Variants in LAMA2 observed in about 807,000 individuals in gnomAD.
The protein encoded by LAMA2 is laminin subunit alpha-2.
A neutral mutation model predicts 364.8 loss-of-function variants in LAMA2; 269 were observed. That is an observed-to-expected ratio of 0.74 (90% CI 0.67 to 0.82). The LOEUF (loss-of-function observed/expected upper bound fraction) is 0.82, where lower values mean the gene tolerates loss of function less well. LAMA2 is among the 40% of genes least tolerant of loss of function. The probability of loss-of-function intolerance (pLI) is 0.00; values close to 1 mark genes in which losing one functional copy is unlikely to be tolerated. For synonymous variants in LAMA2, 1,379 were observed against 1,370.6 expected (o/e 1.01, Z -0.14); for missense variants, 3,807 against 3,873.2 (o/e 0.98, Z 0.45).
At chr6:129,340,365 G>A (rs1483202633) in intron 29 of LAMA2, among the ~76,000 whole-genome samples, 1 of 152,056 alleles carries the variant, frequency 6.6e-6, no homozygotes, top group Non-Finnish European at 1.5e-5. Context: ...GCAAAGGAGG[G>A]AATAAAGATG....
intron 1 of LAMA2, among the ~76,000 whole-genome samples, chr6:128,969,371 GTTAATA>G (rs757206038): frequency 1.1e-4 from 17 of 152,158 alleles, no homozygotes; most frequent in Non-Finnish European, 2.2e-4. Context: ...GATTTTAGCT[GTTAATA>G]TTATATTACA....
intron 1 of LAMA2, among the ~76,000 whole-genome samples, chr6:128,914,255 T>A (rs1449153660): frequency 6.6e-6 from 1 of 152,202 alleles, no homozygotes; most frequent in Admixed American, 6.5e-5. Flanking sequence ...AATTTGATAC[T>A]TCAAACCAAT....
intron 62 of LAMA2, among the ~76,000 whole-genome samples, chr6:129,512,087 G>A (rs1786631370): frequency 6.6e-6 from 1 of 152,032 alleles, no homozygotes; most frequent in Non-Finnish European, 1.5e-5. Context: ...GTAAGCACAG[G>A]GATAAAATGG....
At chr6:129,366,584 G>T (rs1777792643) in intron 33 of LAMA2, among the ~76,000 whole-genome samples, 1 of 151,896 alleles carries the variant, frequency 6.6e-6, no homozygotes, top group African/African-American at 2.4e-5. Flanking sequence ...CCCAGTGTCT[G>T]GCCTAAATCA....
At chr6:128,987,704 G>A (rs1290757636) in intron 1 of LAMA2, among the ~76,000 whole-genome samples, 9 of 152,164 alleles carry the variant, frequency 5.9e-5, no homozygotes, top group Non-Finnish European at 1.5e-5. Flanking sequence ...TCTTAGGCTT[G>A]AAATTAAGAC....
At chr6:129,306,313 C>CTTTTT (rs11315443) in intron 22 of LAMA2, among the ~76,000 whole-genome samples, 31 of 70,372 alleles carry the variant, frequency 4.4e-4, no homozygotes, top group East Asian at 1.2e-3. Flanking sequence ...TAATTTTTTC[C>CTTTTT]TTTTTTTTTT....
Position 129,244,209 on chromosome 6 carries a change from T to C in LAMA2, c.1783-5903T>C, listed in dbSNP as rs3778124. ...TTCTACAATCCTCTTGTTTATGTTC[T>C]ATTCTAATAATTATCGAGCTTTTAA... On this transcript the variant is annotated intron_variant, in intron 12 of 64. Coordinates refer to ENST00000421865, the MANE Select transcript of LAMA2 (RefSeq NM_000426.4). Among the ~76,000 whole-genome samples, 749 of 152,272 alleles carry C rather than the reference T, an allele frequency of 4.9e-3. 23 individuals carry two copies. In the East Asian group the frequency reaches 0.079, roughly 16 times the overall value.
chr6:128,920,535 C>G (rs1778633402), intron 1 of LAMA2, among the ~76,000 whole-genome samples: 1 of 152,094 alleles, frequency 6.6e-6, no homozygotes, highest in African/African-American at 2.4e-5. Context: ...TTTCTGTACC[C>G]ATATTGGCTC....
chr6:128,907,249 T>G (rs1337045980), intron 1 of LAMA2, among the ~76,000 whole-genome samples: 1 of 142,442 alleles, frequency 7.0e-6, no homozygotes, highest in African/African-American at 2.6e-5. Context: ...TTCACGATAT[T>G]GATTCTTCCT....
intron 12 of LAMA2, among the ~76,000 whole-genome samples, chr6:129,226,373 T>G (rs9483000): frequency 0.13 from 20,236 of 152,180 alleles, 3,363 homozygotes; most frequent in African/African-American, 0.39. Context: ...ATCCTGTCAT[T>G]ATGATGTTAG....
At chr6:129,505,144 C>A in intron 60 of LAMA2, 56 bp from the exon 61 acceptor site, 1 of 1,462,934 alleles carries the variant, frequency 6.8e-7, no homozygotes, top group Non-Finnish European at 9.6e-7. Flanking sequence ...GTCTTATACT[C>A]TGCATATGTG....
chr6:128,944,858 C>T (rs948882208), intron 1 of LAMA2, among the ~76,000 whole-genome samples: 35 of 152,142 alleles, frequency 2.3e-4, no homozygotes, highest in African/African-American at 8.2e-4. Flanking sequence ...TGAGAACTCA[C>T]TGTCATGAGG....
intron 1 of LAMA2, among the ~76,000 whole-genome samples, chr6:128,891,301 G>A (rs1054762835): frequency 4.2e-4 from 64 of 151,978 alleles, no homozygotes; most frequent in African/African-American, 1.3e-3. Context: ...AATCCCTTTC[G>A]AGTTGCTTGT....
chr6:129,200,138 G>A lies in LAMA2; in HGVS notation c.1782+7285G>A, dbSNP rs1277545220. 1.1e-3 allele frequency among the ~76,000 whole-genome samples: 109 copies of A among 94,968 alleles called. 1 individual carries two copies. The highest frequency in any genetic ancestry group is 0.01 in the East Asian group (25 of 2,388). The allele number at this position is 94,968 out of a possible 152,430, so 62.3% of individuals were successfully genotyped here. On this transcript the variant is annotated intron_variant, in intron 12 of 64. Coordinates refer to ENST00000421865, the MANE Select transcript of LAMA2 (RefSeq NM_000426.4). ...TATATATATGTGTATATATATACGT[G>A]TACACATATACACGTGTATATATAT...
At chr6:129,330,764 G>T (rs1310773418) in intron 29 of LAMA2, among the ~76,000 whole-genome samples, 2 of 151,332 alleles carry the variant, frequency 1.3e-5, no homozygotes, top group African/African-American at 2.4e-5. Context: ...ATCTTTCATT[G>T]GTATTACTGC....
chr6:129,242,177 C>T (rs754830311), intron 12 of LAMA2, among the ~76,000 whole-genome samples: 3 of 152,116 alleles, frequency 2.0e-5, no homozygotes, highest in Non-Finnish European at 4.4e-5. Flanking sequence ...TATTGTTCCT[C>T]CCTTTGCAAC....
At chr6:129,371,247 A>ATGTGTG (rs66522065) in intron 34 of LAMA2, among the ~76,000 whole-genome samples, 29 of 148,388 alleles carry the variant, frequency 2.0e-4, no homozygotes, top group African/African-American at 6.2e-4. Context: ...GAACTTTGAG[A>ATGTGTG]TGTGTGTGTG....
At chr6:129,307,677 T>G (rs1035925160) in intron 22 of LAMA2, among the ~76,000 whole-genome samples, 1 of 152,222 alleles carries the variant, frequency 6.6e-6, no homozygotes, top group African/African-American at 2.4e-5. Context: ...TTTAGTTGGT[T>G]GTGTACTTTA....
intron 29 of LAMA2, among the ~76,000 whole-genome samples, chr6:129,337,342 C>T (rs1021558498): frequency 2.0e-5 from 3 of 151,930 alleles, no homozygotes; most frequent in Admixed American, 6.6e-5. Flanking sequence ...TGAAAGAAAC[C>T]CTGAGTAAGA....
Sources: allele counts gnomAD v4.1 joint callset (sites outside exome capture counted in the v4.1 genomes callset), GRCh38; gene constraint gnomAD v4.1.1; transcripts MANE v1.5; gene names NCBI Gene and HGNC (gene_info 2026-07-23, HGNC 2026-07-21).